The following ANO10 variants were observed in gnomAD, a reference collection of about 807,000 sequenced individuals.
ANO10 encodes the protein anoctamin-10.
ANO10 carries 77 observed loss-of-function variants against 74.7 expected under a neutral mutation model. The observed-to-expected ratio is 1.03, with a 90% CI of 0.86 to 1.25. The LOEUF is 1.25. ANO10 is among the 50% of genes most tolerant of loss of function. ANO10 has a pLI of 0.00. For missense variants in ANO10, 721 were observed against 778.1 expected (o/e 0.93, Z 0.87); for synonymous variants, 279 against 284.9 (o/e 0.98, Z 0.21).
intron 12 of ANO10, among the ~76,000 whole-genome samples, chr3:43,387,934 T>C (rs2092170182): frequency 6.9e-6 from 1 of 144,604 alleles, no homozygotes; most frequent in Non-Finnish European, 1.5e-5. Context: ...TAAGGCGACA[T>C]GTCTGTGTTT....
At chr3:43,514,012 A>G (rs1243140718) in intron 11 of ANO10, among the ~76,000 whole-genome samples, 2 of 149,342 alleles carry the variant, frequency 1.3e-5, no homozygotes, top group Non-Finnish European at 3.0e-5. Flanking sequence ...TGTTTGCTAT[A>G]TTAGAAATAG....
chr3:43,603,198 C>A (rs1307486831), intron 2 of ANO10, among the ~76,000 whole-genome samples: 1 of 152,182 alleles, frequency 6.6e-6, no homozygotes, highest in East Asian at 1.9e-4. Context: ...TCTCTGCCAA[C>A]TGTCTCTCTC....
intron 10 of ANO10, 125 bp downstream of exon 10, chr3:43,555,153 A>G: frequency 1.0e-6 from 1 of 964,432 alleles, no homozygotes; most frequent in Non-Finnish European, 1.6e-6. Flanking sequence ...GCTAGTTTGT[A>G]GCCAAACAAA....
At chr3:43,638,484 T>C (rs1448676573) in intron 1 of ANO10, among the ~76,000 whole-genome samples, 1 of 152,218 alleles carries the variant, frequency 6.6e-6, no homozygotes, top group Non-Finnish European at 1.5e-5. Context: ...TTCAGTCTGC[T>C]CAATGGGATA....
intron 10 of ANO10, 116 bp from the exon 11 acceptor site, chr3:43,549,964 C>T (rs1463162617): frequency 9.1e-6 from 11 of 1,213,212 alleles, no homozygotes; most frequent in Non-Finnish European, 1.3e-5. Flanking sequence ...CTAAACATTC[C>T]AAGTACATTT....
Position 43,383,518 on chromosome 3 carries a change from G to GGGAT in ANO10, c.1915-16548_1915-16545dup, listed in dbSNP as rs557313896. Among the ~76,000 whole-genome samples the GGGAT allele has an allele frequency of 1.5e-4, 22 of 151,420 alleles. No individual in the cohort carries two copies. In the East Asian group the frequency reaches 3.3e-3, roughly 23 times the overall value. On this transcript the variant is annotated intron_variant, in intron 12 of 12. Coordinates refer to ENST00000292246, the MANE Select transcript of ANO10 (RefSeq NM_018075.5). ...AAGTGGGTTCCATACCAGGGATGCA[G>GGGAT]GGATGGTTTAACATCTGCAAGTCAA...
At chr3:43,497,297 G>C (rs563443256) in intron 11 of ANO10, among the ~76,000 whole-genome samples, 3 of 152,300 alleles carry the variant, frequency 2.0e-5, no homozygotes, top group Admixed American at 2.0e-4. Context: ...TAATAAGCGA[G>C]TAATGCTTTT....
intron 11 of ANO10, among the ~76,000 whole-genome samples, chr3:43,480,623 T>A (rs1393389606): frequency 6.6e-6 from 1 of 152,124 alleles, no homozygotes; most frequent in African/African-American, 2.4e-5. Context: ...AGGAGGGGGT[T>A]ACAAGAAAGG....
Position 43,580,457 on chromosome 3 carries a change from G to A in ANO10, c.488C>T (p.Thr163Met), listed in dbSNP as rs201340219. 1.1e-4 allele frequency: 171 copies of A among 1,613,770 alleles called. 1 individual carries two copies. In the South Asian group the frequency reaches 1.8e-3, roughly 17 times the overall value. ...PGKSLLRRLL[T>M]SGIVIQVFPL... is the part of the protein sequence containing the mutation. ...AAACACCTGAATCACGATGCCAGACGTGAGCAATCTTCTCACTGCACAGGG... is the reference window on the plus strand; with the variant it reads ...AAACACCTGAATCACGATGCCAGACATGAGCAATCTTCTCACTGCACAGGG... Residue 163 changes from threonine to methionine, a missense_variant, in exon 5 of 13, where the codon ACG (threonine) becomes ATG (methionine). Transcript: ENST00000292246.
intron 11 of ANO10, among the ~76,000 whole-genome samples, chr3:43,526,429 G>A (rs574355980): frequency 2.0e-4 from 31 of 152,172 alleles, no homozygotes; most frequent in Non-Finnish European, 3.8e-4. Flanking sequence ...TGCCCACACG[G>A]CAACACAGAG....
chr3:43,385,514 C>T (rs985119998), intron 12 of ANO10, among the ~76,000 whole-genome samples: 1 of 152,158 alleles, frequency 6.6e-6, no homozygotes, highest in Non-Finnish European at 1.5e-5. Flanking sequence ...AGCCCAAATG[C>T]CCATCAACCA....
At chr3:43,481,163 C>A (rs1474967374) in intron 11 of ANO10, among the ~76,000 whole-genome samples, 3 of 151,840 alleles carry the variant, frequency 2.0e-5, no homozygotes, top group African/African-American at 4.8e-5. Flanking sequence ...AGAAAAAGGG[C>A]TAAAAATTTG....
At chr3:43,485,131 G>C (rs1559599502) in intron 11 of ANO10, 1 of 852,264 alleles carries the variant, frequency 1.2e-6, no homozygotes, top group Non-Finnish European at 1.9e-6. Flanking sequence ...TCATCTGGTG[G>C]AGTGATCTGG....
intron 11 of ANO10, among the ~76,000 whole-genome samples, chr3:43,464,604 A>G (rs1362054963): frequency 2.0e-5 from 3 of 152,174 alleles, no homozygotes; most frequent in Non-Finnish European, 4.4e-5. Context: ...ACTTGAGTCC[A>G]AGAGGTTGAG....
chr3:43,658,229 C>T (rs920897119), intron 1 of ANO10, among the ~76,000 whole-genome samples: 2 of 151,738 alleles, frequency 1.3e-5, no homozygotes, highest in Non-Finnish European at 2.9e-5. Flanking sequence ...TTTTTAAGGG[C>T]CATTGAAATG....
chr3:43,504,106 T>C (rs1359481253), intron 11 of ANO10, among the ~76,000 whole-genome samples: 1 of 151,932 alleles, frequency 6.6e-6, no homozygotes, highest in Non-Finnish European at 1.5e-5. Context: ...CTGTCTCTAC[T>C]AAAAATGCAA....
At chr3:43,565,618 T>TA (rs745497058) in intron 8 of ANO10, 35 bp downstream of exon 8, 42 of 1,508,296 alleles carry the variant, frequency 2.8e-5, no homozygotes, top group East Asian at 1.7e-4. Flanking sequence ...CTCTATGACC[T>TA]AAAAAATTGG....
At chr3:43,577,487 G>C (rs1048821061) in intron 5 of ANO10, among the ~76,000 whole-genome samples, 8 of 151,876 alleles carry the variant, frequency 5.3e-5, no homozygotes, top group African/African-American at 1.9e-4. Flanking sequence ...TAGCTGGGGG[G>C]TGTGCTCCGC....
intron 4 of ANO10, among the ~76,000 whole-genome samples, chr3:43,585,567 T>C (rs2081442380): frequency 6.6e-6 from 1 of 152,198 alleles, no homozygotes; most frequent in Admixed American, 6.5e-5. Context: ...TCCCATCTGA[T>C]CAAAGAGCAC....
Sources: allele counts gnomAD v4.1 joint callset (sites outside exome capture counted in the v4.1 genomes callset), GRCh38; gene constraint gnomAD v4.1.1; transcripts MANE v1.5; gene names NCBI Gene and HGNC (gene_info 2026-07-23, HGNC 2026-07-21).